Variants in IQCH observed in about 807,000 individuals in gnomAD.
IQCH encodes IQ motif containing H.
In IQCH, 98 loss-of-function variants were observed where a neutral mutation model predicts 117.0. That is an observed-to-expected ratio of 0.84 (90% CI 0.71 to 0.99). The LOEUF (loss-of-function observed/expected upper bound fraction) is 0.99. Among genes scored for constraint, IQCH ranks in the 50% least tolerant of loss-of-function variants. The probability of loss-of-function intolerance (pLI) is 0.00; values close to 1 mark genes in which losing one functional copy is unlikely to be tolerated. For missense variants in IQCH, 1,102 were observed against 1,243.8 expected, an observed-to-expected ratio of 0.89 and a Z score of 1.72; for synonymous variants, 412 against 448.2, an observed-to-expected ratio of 0.92 and a Z score of 1.02.
intron 10 of IQCH, among the ~76,000 whole-genome samples, chr15:67,380,346 A>T (rs1260388987): frequency 6.6e-6 from 1 of 152,194 alleles, no homozygotes; most frequent in African/African-American, 2.4e-5. Context: ...CTACATCTTT[A>T]TACCAAAATT....
Position 67,422,325 on chromosome 15 carries a change from G to A in IQCH, c.2505+748G>A, listed in dbSNP as rs6494657. Among the ~76,000 whole-genome samples, 126,909 of 152,124 alleles carry A rather than the reference G, an allele frequency of 0.83. 53,055 individuals are homozygous for A. Among genetic ancestry groups the A allele is most frequent in the Middle Eastern group, 0.89 (261 of 294 alleles). On this transcript the variant is annotated intron_variant, in intron 16 of 20. Coordinates refer to ENST00000335894, the MANE Select transcript of IQCH (RefSeq NM_001031715.3). The surrounding 1 kb of genome is among the most constrained non-coding windows in gnomAD (Gnocchi z 4.7). Reference sequence around the variant, plus strand: ...CTTTTCTTATCAGACAACTTAGATTGTCTCATTTTTTTCTTTAAAAAACGT... The same window carrying A: ...CTTTTCTTATCAGACAACTTAGATTATCTCATTTTTTTCTTTAAAAAACGT...
intron 16 of IQCH, among the ~76,000 whole-genome samples, chr15:67,444,216 G>A (rs1045828648): frequency 6.6e-6 from 1 of 152,152 alleles, no homozygotes; most frequent in Middle Eastern, 3.2e-3. Flanking sequence ...CCATCCTTGT[G>A]CTCAGCACAT....
At chr15:67,336,044 CA>C (rs1395761930) in intron 4 of IQCH, among the ~76,000 whole-genome samples, 1 of 151,860 alleles carries the variant, frequency 6.6e-6, no homozygotes, top group Non-Finnish European at 1.5e-5. Flanking sequence ...CAAATTTTAC[CA>C]ATGTAAAATC....
chr15:67,258,794 A>G (rs1349727273), intron 1 of IQCH, among the ~76,000 whole-genome samples: 1 of 152,200 alleles, frequency 6.6e-6, no homozygotes, highest in Non-Finnish European at 1.5e-5. Context: ...GTGTTTGATG[A>G]TCACAGAGAT....
In IQCH at chr15:67,446,762, C is replaced by T. The variant is rs79348211; in HGVS notation, c.2506-18365C>T. ...ACAGGTGGGAACCTTGCCTTTTTGC[C>T]TATACTGAAGGACTGTATTTCTTTG... On this transcript the variant is annotated intron_variant, in intron 16 of 20. Transcript: ENST00000335894. Among the ~76,000 whole-genome samples the T allele has an allele frequency of 8.1e-3, 1,233 of 152,256 alleles. 14 individuals carry two copies. The highest frequency in any genetic ancestry group is 0.028 in the African/African-American group (1,182 of 41,546).
chr15:67,332,297 A>T (rs1228914657), intron 4 of IQCH, among the ~76,000 whole-genome samples: 1 of 152,204 alleles, frequency 6.6e-6, no homozygotes, highest in Non-Finnish European at 1.5e-5. Context: ...AGACATCCAG[A>T]TGAGAAGAAA....
At position 67,454,547 on chromosome 15, in the gene IQCH, C is replaced by G. The variant is rs901669640; in HGVS notation, c.2506-10580C>G. Among the ~76,000 whole-genome samples the G allele has an allele frequency of 6.6e-6, 1 of 152,218 alleles. No individual in the cohort carries two copies. Among genetic ancestry groups the G allele is most frequent in the Non-Finnish European group, 1.5e-5 (1 of 68,036 alleles). On this transcript the variant is annotated intron_variant, in intron 16 of 20. Coordinates refer to ENST00000335894, the MANE Select transcript of IQCH (RefSeq NM_001031715.3). This position sits in a 1 kb window ranked among gnomAD's most constrained non-coding sequence, Gnocchi z 5.2. Reference sequence around the variant, plus strand: ...CAACCCCAAAAAAGAATGCTGTACACATTAGAAGTCACTCCCCATACCTCC... The same window carrying G: ...CAACCCCAAAAAAGAATGCTGTACAGATTAGAAGTCACTCCCCATACCTCC...
chr15:67,314,586 C>T lies in IQCH; in HGVS notation c.388-22389C>T, dbSNP rs553314630. 1.1e-4 allele frequency among the ~76,000 whole-genome samples: 16 copies of T among 151,356 alleles called. No individual in the cohort carries two copies. In the South Asian group the frequency reaches 3.4e-3, roughly 32 times the overall value. ...AGCAGTAAAAACCCTTAGAAAATGT[C>T]CAAATTGTTCTTATTTAAAATAGGA... On this transcript the variant is annotated intron_variant, in intron 4 of 20. Transcript: ENST00000335894.
chr15:67,410,049 T>C (rs1034785299), intron 14 of IQCH, among the ~76,000 whole-genome samples: 9 of 152,282 alleles, frequency 5.9e-5, no homozygotes, highest in African/African-American at 2.2e-4. Flanking sequence ...ATAATCTTGA[T>C]GGAAAGGAAT....
chr15:67,296,619 C>T (rs1966854091), intron 4 of IQCH, among the ~76,000 whole-genome samples: 1 of 152,108 alleles, frequency 6.6e-6, no homozygotes, highest in South Asian at 2.1e-4. Flanking sequence ...ATGGACCAAG[C>T]AGTGCCTGTG....
chr15:67,263,029 A>T, intron 2 of IQCH, 93 bp from the exon 3 acceptor site: 1 of 742,436 alleles, frequency 1.3e-6, no homozygotes, highest in South Asian at 1.5e-5. Flanking sequence ...TTTTGGCTTA[A>T]TTACAGGATT....
At chr15:67,486,112 C>A (rs2083471955) in intron 18 of IQCH, among the ~76,000 whole-genome samples, 1 of 138,582 alleles carries the variant, frequency 7.2e-6, no homozygotes, top group Admixed American at 7.9e-5. Flanking sequence ...CTCACTGCAA[C>A]CTCCATCTGC....
intron 7 of IQCH, among the ~76,000 whole-genome samples, chr15:67,358,079 G>A (rs1406662577): frequency 3.4e-5 from 5 of 148,884 alleles, no homozygotes; most frequent in African/African-American, 9.9e-5. Flanking sequence ...GGCTGGTCTC[G>A]AACTCCTGAC....
intron 10 of IQCH, among the ~76,000 whole-genome samples, chr15:67,375,880 G>A (rs888560616): frequency 2.7e-5 from 4 of 149,700 alleles, no homozygotes; most frequent in Admixed American, 6.7e-5. Context: ...TCCGCCTCCC[G>A]GGTTCAAGCA....
chr15:67,341,307 G>A (rs1047144012), intron 5 of IQCH, among the ~76,000 whole-genome samples: 3 of 152,180 alleles, frequency 2.0e-5, no homozygotes, highest in Non-Finnish European at 4.4e-5. Flanking sequence ...CTCCTTCCTT[G>A]TGAACAAGAA....
At position 67,365,911 on chromosome 15, in the gene IQCH, C is replaced by G. The variant is rs900796984; in HGVS notation, c.753+6026C>G. 6.6e-6 allele frequency among the ~76,000 whole-genome samples: 1 copy of G among 152,016 alleles called. No homozygotes were observed. The highest frequency in any genetic ancestry group is 2.4e-5 in the African/African-American group (1 of 41,366). ...CACCACTGCACACTAGCCTGGGCAG[C>G]AGAGGAAGACTCTGTCTCAAAAACA... is the stretch of plus-strand genomic sequence containing the variant. On this transcript the variant is annotated intron_variant, in intron 8 of 20. Transcript: ENST00000335894. This position sits in a 1 kb window ranked among gnomAD's most constrained non-coding sequence, Gnocchi z 4.4.
chr15:67,281,350 A>T (rs1453616541), intron 4 of IQCH, among the ~76,000 whole-genome samples: 3 of 152,216 alleles, frequency 2.0e-5, no homozygotes, highest in African/African-American at 7.2e-5. Context: ...ACATGTATAC[A>T]CAGGAGCCTT....
At chr15:67,324,097 C>T (rs1968281118) in intron 4 of IQCH, among the ~76,000 whole-genome samples, 1 of 151,558 alleles carries the variant, frequency 6.6e-6, no homozygotes, top group Non-Finnish European at 1.5e-5. Flanking sequence ...GTACCCACCA[C>T]CAGGCCTGGC....
chr15:67,347,847 T>TATATATTTATATATC (rs1382777320), intron 6 of IQCH, among the ~76,000 whole-genome samples: 95 of 147,024 alleles, frequency 6.5e-4, no homozygotes, highest in Admixed American at 1.0e-3. Context: ...ATAGATATTT[T>TATATATTTATATATC]TATATATTTA....
Sources: allele counts gnomAD v4.1 joint callset (sites outside exome capture counted in the v4.1 genomes callset), GRCh38; gene constraint gnomAD v4.1.1; non-coding constraint Gnocchi (gnomAD v3.1); transcripts MANE v1.5; gene names NCBI Gene and HGNC (gene_info 2026-07-23, HGNC 2026-07-21).